The following CDK14 variants were observed in gnomAD, a reference collection of about 807,000 sequenced individuals.
The protein encoded by CDK14 is cyclin-dependent kinase 14.
CDK14 carries 34 observed loss-of-function variants against 60.7 expected under a neutral mutation model. That is an observed-to-expected ratio of 0.56 (90% CI 0.43 to 0.75). The LOEUF (loss-of-function observed/expected upper bound fraction) is 0.75. CDK14 is among the 30% of genes least tolerant of loss of function. The pLI, the probability that CDK14 is intolerant of heterozygous loss-of-function variation, is 0.00. For synonymous variants in CDK14, 197 were observed against 203.7 expected (o/e 0.97, Z 0.28); for missense variants, 482 against 564.1 (o/e 0.85, Z 1.47).
intron 2 of CDK14, among the ~76,000 whole-genome samples, chr7:90,613,926 A>G (rs1799596100): frequency 2.0e-5 from 3 of 151,852 alleles, no homozygotes; most frequent in Admixed American, 6.6e-5. Context: ...AGTGAAGCCA[A>G]GGTGGGTCAG....
intron 6 of CDK14, among the ~76,000 whole-genome samples, chr7:90,878,063 A>C (rs997194255): frequency 6.9e-6 from 1 of 145,718 alleles, no homozygotes; most frequent in African/African-American, 2.5e-5. Context: ...CATTGGACAC[A>C]TTGTGTGGCT....
At chr7:91,113,409 A>G (rs535015930) in intron 13 of CDK14, among the ~76,000 whole-genome samples, 62 of 152,224 alleles carry the variant, frequency 4.1e-4, no homozygotes, top group Non-Finnish European at 7.6e-4. Context: ...GCCTTTTAAA[A>G]TTACATTTTA....
intron 2 of CDK14, among the ~76,000 whole-genome samples, chr7:90,679,699 C>T (rs1041246632): frequency 2.0e-5 from 3 of 152,166 alleles, no homozygotes; most frequent in African/African-American, 7.2e-5. Flanking sequence ...CTTAGTGACT[C>T]CAGTAGTTTT....
intron 12 of CDK14, among the ~76,000 whole-genome samples, chr7:91,101,294 A>G (rs1248762024): frequency 1.3e-5 from 2 of 152,188 alleles, no homozygotes; most frequent in Non-Finnish European, 1.5e-5. Context: ...AATACTCCCC[A>G]TTTTGTAAGC....
chr7:91,091,114 C>T (rs1451171240), intron 12 of CDK14, among the ~76,000 whole-genome samples: 1 of 151,194 alleles, frequency 6.6e-6, no homozygotes, highest in African/African-American at 2.4e-5. Flanking sequence ...ATGTTCTTGT[C>T]GCCAGGTGTG....
chr7:90,884,827 A>G (rs1313925624), intron 6 of CDK14, among the ~76,000 whole-genome samples: 1 of 152,186 alleles, frequency 6.6e-6, no homozygotes, highest in Non-Finnish European at 1.5e-5. Context: ...AAAAACAAGC[A>G]ATGGGGAAAG....
intron 14 of CDK14, among the ~76,000 whole-genome samples, chr7:91,172,293 C>G (rs74562799): frequency 2.0e-5 from 3 of 152,082 alleles, no homozygotes; most frequent in Non-Finnish European, 4.4e-5. Flanking sequence ...CATGACTTGC[C>G]GCATCTTTTA....
intron 2 of CDK14, among the ~76,000 whole-genome samples, chr7:90,667,877 C>T (rs1801018099): frequency 6.6e-6 from 1 of 152,092 alleles, no homozygotes; most frequent in Non-Finnish European, 1.5e-5. Flanking sequence ...CCAGTACTTT[C>T]TTTTTATAGC....
At chr7:90,750,823 A>C (rs1803810052) in intron 4 of CDK14, among the ~76,000 whole-genome samples, 1 of 152,046 alleles carries the variant, frequency 6.6e-6, no homozygotes, top group African/African-American at 2.4e-5. Context: ...CAGTGAGCTG[A>C]GATCACACCA....
intron 11 of CDK14, among the ~76,000 whole-genome samples, chr7:91,059,940 G>A (rs1294289355): frequency 6.6e-6 from 1 of 152,212 alleles, no homozygotes; most frequent in African/African-American, 2.4e-5. Flanking sequence ...GCAGAGCTGA[G>A]TTCAATTCCT....
chr7:90,904,653 A>C (rs1792635104), intron 7 of CDK14, among the ~76,000 whole-genome samples: 2 of 152,076 alleles, frequency 1.3e-5, no homozygotes, highest in Admixed American at 6.6e-5. Flanking sequence ...TGAGGAAAAA[A>C]GGAGGGAATC....
chr7:91,192,542 G>A (rs769712461), intron 14 of CDK14, among the ~76,000 whole-genome samples: 1 of 152,056 alleles, frequency 6.6e-6, no homozygotes, highest in Non-Finnish European at 1.5e-5. Context: ...ACTTATGGGT[G>A]GCCACACTAA....
intron 7 of CDK14, among the ~76,000 whole-genome samples, chr7:90,914,710 G>A (rs900428165): frequency 6.6e-6 from 1 of 152,000 alleles, no homozygotes; most frequent in Non-Finnish European, 1.5e-5. Flanking sequence ...TAGCTTCTAC[G>A]TTAGCGTGAG....
rs1309116629 is a variant in CDK14, at chr7:91,008,144, AACAAAC to A, written c.1041+23905_1041+23910del. On this transcript the variant is annotated intron_variant, in intron 10 of 14. Coordinates refer to ENST00000380050, the MANE Select transcript of CDK14 (RefSeq NM_001287135.2). Reference sequence around the variant, plus strand: ...GAGAAGGCCAAAAAAAAAAAAAAAAAACAAACAAAAAAAAACAGTGGATGGTGGAGG... The same window carrying A: ...GAGAAGGCCAAAAAAAAAAAAAAAAAAAAAAAAAACAGTGGATGGTGGAGG... Among the ~76,000 whole-genome samples the A allele has an allele frequency of 7.4e-4, 103 of 138,348 alleles. 12 individuals are homozygous for A. The highest frequency in any genetic ancestry group is 3.6e-3 in the Middle Eastern group (1 of 280). The allele number at this position is 138,348 out of a possible 152,430, so 90.8% of individuals were successfully genotyped here.
intron 8 of CDK14, among the ~76,000 whole-genome samples, chr7:90,951,819 T>C (rs1022674258): frequency 2.6e-5 from 4 of 152,266 alleles, no homozygotes; most frequent in African/African-American, 4.8e-5. Context: ...TGGAGTTATA[T>C]TGAGTGCCTG....
At chr7:90,667,604 C>T (rs1412098389) in intron 2 of CDK14, among the ~76,000 whole-genome samples, 1 of 150,466 alleles carries the variant, frequency 6.6e-6, no homozygotes, top group East Asian at 1.9e-4. Context: ...CGGAGTCTTG[C>T]TGTCACCCAG....
chr7:91,137,791 G>A (rs916353989), intron 14 of CDK14, among the ~76,000 whole-genome samples: 5 of 152,036 alleles, frequency 3.3e-5, no homozygotes, highest in Non-Finnish European at 5.9e-5. Flanking sequence ...GAGTTTTAGA[G>A]TAAGAGTCTT....
intron 4 of CDK14, among the ~76,000 whole-genome samples, chr7:90,750,196 ACACAC>A (rs1562752218): frequency 0.012 from 1,112 of 91,502 alleles, 14 homozygotes; most frequent in African/African-American, 0.037. Context: ...ACACACACAC[ACACAC>A]CAATAATATT....
At chr7:90,629,508 GC>G (rs1327625806) in intron 2 of CDK14, among the ~76,000 whole-genome samples, 3 of 152,102 alleles carry the variant, frequency 2.0e-5, no homozygotes, top group Non-Finnish European at 4.4e-5. Context: ...GAGTGGTACT[GC>G]CCTCTAATGG....
Sources: gnomAD v4.1 joint callset for allele counts (sites outside exome capture counted in the v4.1 genomes callset) on GRCh38, gnomAD v4.1.1 for gene constraint, MANE v1.5 for transcripts, NCBI Gene and HGNC (gene_info 2026-07-23, HGNC 2026-07-21) for gene names.